AGMO: variants seen among roughly 807,000 people sequenced by gnomAD.
AGMO encodes alkylglycerol monooxygenase, also known as glyceryl-ether monooxygenase.
AGMO carries 75 observed loss-of-function variants against 60.2 expected under a neutral mutation model. The ratio of observed to expected loss-of-function variants is 1.25; its 90% CI spans 1.03 to 1.51. The LOEUF (loss-of-function observed/expected upper bound fraction) is 1.51. Ranked by LOEUF, AGMO falls within the 40% of genes most tolerant of loss-of-function variation. The pLI, the probability that AGMO is intolerant of heterozygous loss-of-function variation, is 0.00. For missense variants in AGMO, 763 were observed against 525.5 expected (o/e 1.45, Z -4.42); for synonymous variants, 261 against 177.1 (o/e 1.47, Z -3.76).
intron 3 of AGMO, among the ~76,000 whole-genome samples, chr7:15,503,851 A>C (rs891663028): frequency 3.3e-5 from 5 of 152,042 alleles, no homozygotes; most frequent in Non-Finnish European, 7.4e-5. Context: ...AATCACTGAG[A>C]AAAAGTGAAT....
rs142610676 is a variant in AGMO at position 15,488,438 on chromosome 7, T to C, written c.409+56334A>G. Reference sequence around the variant, plus strand: ...GCCTCTATAATATTCTTTATGTTAATGGTAAAATTTGAAGACTACTTTAAG... The same window carrying C: ...GCCTCTATAATATTCTTTATGTTAACGGTAAAATTTGAAGACTACTTTAAG... On this transcript the variant is annotated intron_variant, in intron 3 of 12. Transcript: ENST00000342526. Among the ~76,000 whole-genome samples the C allele has an allele frequency of 2.8e-3, 422 of 152,296 alleles. 1 individual carries two copies. Among genetic ancestry groups the C allele is most frequent in the African/African-American group, 9.8e-3 (406 of 41,572 alleles).
At chr7:15,126,515 A>G in the AGMO span, among the ~76,000 whole-genome samples, 1 of 152,104 alleles carries the variant, frequency 6.6e-6, no homozygotes, top group Non-Finnish European at 1.5e-5. Context: ...TCCAAAAGTG[A>G]AAAATAAACT....
chr7:15,425,436 TA>T (rs970152021), intron 4 of AGMO, among the ~76,000 whole-genome samples: 3 of 147,810 alleles, frequency 2.0e-5, no homozygotes, highest in Admixed American at 1.3e-4. Flanking sequence ...TTGTTTATTT[TA>T]TTTTTTTTTT....
At chr7:15,464,671 G>A (rs945873441) in intron 3 of AGMO, among the ~76,000 whole-genome samples, 5 of 152,164 alleles carry the variant, frequency 3.3e-5, no homozygotes, top group African/African-American at 1.2e-4. Flanking sequence ...GAGGTTATTT[G>A]AGACTATAAT....
chr7:15,337,043 T>A (rs542667086), intron 12 of AGMO, among the ~76,000 whole-genome samples: 1 of 152,216 alleles, frequency 6.6e-6, no homozygotes, highest in South Asian at 2.1e-4. Flanking sequence ...TATCATCATA[T>A]GCCATCAAAT....
the AGMO span, among the ~76,000 whole-genome samples, chr7:15,185,656 C>G: frequency 6.8e-6 from 1 of 146,130 alleles, no homozygotes; most frequent in Non-Finnish European, 1.5e-5. Context: ...GATGATTTGT[C>G]TGAAACTTAA....
the AGMO span, among the ~76,000 whole-genome samples, chr7:15,139,023 G>C: frequency 6.6e-6 from 1 of 152,044 alleles, no homozygotes; most frequent in Non-Finnish European, 1.5e-5. Flanking sequence ...GAGCATTCCT[G>C]ACACCTAAAT....
rs546211976 is a variant in AGMO, at chr7:15,343,097, C to T, written c.1263+22417G>A. 3.0e-3 allele frequency among the ~76,000 whole-genome samples: 461 copies of T among 152,026 alleles called. 4 individuals carry two copies. The highest frequency in any genetic ancestry group is 0.011 in the African/African-American group (437 of 41,490). On this transcript the variant is annotated intron_variant, in intron 12 of 12. Coordinates refer to ENST00000342526, the MANE Select transcript of AGMO (RefSeq NM_001004320.2). Reference sequence around the variant, plus strand: ...TTTATACTTTTATATTTTCCTATAGCAATAATTGGAATCTAAAATTTATAT... The same window carrying T: ...TTTATACTTTTATATTTTCCTATAGTAATAATTGGAATCTAAAATTTATAT...
intron 1 of AGMO, among the ~76,000 whole-genome samples, chr7:15,560,478 T>G (rs947639247): frequency 6.6e-6 from 1 of 152,132 alleles, no homozygotes; most frequent in Non-Finnish European, 1.5e-5. Flanking sequence ...GCTCAAATTC[T>G]ATCATCCAAT....
chr7:15,204,764 T>C (rs1343385067), intron 12 of AGMO, among the ~76,000 whole-genome samples: 1 of 152,210 alleles, frequency 6.6e-6, no homozygotes, highest in Non-Finnish European at 1.5e-5. Flanking sequence ...AGTTCATCAA[T>C]TGGCAGGTGG....
At chr7:15,430,616 CAACTGGTTTTTTTTAAAAAAAAAAAAAA>C (rs1157075688) in intron 4 of AGMO, among the ~76,000 whole-genome samples, 10 of 116,810 alleles carry the variant, frequency 8.6e-5, no homozygotes, top group African/African-American at 6.6e-5. Context: ...AAAAAAAAAA[CAACTGGTTTTTTTTAAAAAAAAAAAAAA>C]AACTGGTAAA....
chr7:15,378,982 A>C (rs2128570571), intron 10 of AGMO, among the ~76,000 whole-genome samples: 1 of 152,238 alleles, frequency 6.6e-6, no homozygotes, highest in South Asian at 2.1e-4. Context: ...AATTACATGG[A>C]AACTGAATAA....
chr7:15,526,280 G>A (rs1057439411), intron 3 of AGMO, among the ~76,000 whole-genome samples: 3 of 152,134 alleles, frequency 2.0e-5, no homozygotes, highest in African/African-American at 7.2e-5. Context: ...AAGACTTAAG[G>A]CCCTACAAAG....
At chr7:15,205,488 A>C (rs1252455318) in intron 12 of AGMO, among the ~76,000 whole-genome samples, 2 of 152,146 alleles carry the variant, frequency 1.3e-5, no homozygotes, top group East Asian at 3.9e-4. Flanking sequence ...ATCTTATTTA[A>C]TTTTATATGG....
At chr7:15,458,173 G>C (rs572328667) in intron 3 of AGMO, among the ~76,000 whole-genome samples, 4 of 152,220 alleles carry the variant, frequency 2.6e-5, no homozygotes, top group African/African-American at 9.6e-5. Context: ...GCCCAAAAAA[G>C]ACATCCTGTC....
At chr7:15,242,861 T>C (rs757822356) in intron 12 of AGMO, among the ~76,000 whole-genome samples, 9 of 152,066 alleles carry the variant, frequency 5.9e-5, no homozygotes, top group East Asian at 1.9e-4. Flanking sequence ...TATTGAAATA[T>C]AGAAATAAGA....
intron 3 of AGMO, among the ~76,000 whole-genome samples, chr7:15,469,192 C>A (rs1782372789): frequency 6.6e-6 from 1 of 152,030 alleles, no homozygotes; most frequent in East Asian, 1.9e-4. Flanking sequence ...TAGAATTGCT[C>A]TATCTTCTTG....
At chr7:15,334,920 C>T (rs955183558) in intron 12 of AGMO, among the ~76,000 whole-genome samples, 1 of 152,092 alleles carries the variant, frequency 6.6e-6, no homozygotes, top group Non-Finnish European at 1.5e-5. Flanking sequence ...AAGAGCTGTC[C>T]GAGAGCCTTT....
intron 3 of AGMO, among the ~76,000 whole-genome samples, chr7:15,473,005 C>T (rs1782489490): frequency 6.6e-6 from 1 of 151,714 alleles, no homozygotes; most frequent in Non-Finnish European, 1.5e-5. Context: ...GCTAATTTTC[C>T]TCAGTGTAAA....
Sources: allele counts gnomAD v4.1 joint callset (sites outside exome capture counted in the v4.1 genomes callset), GRCh38; gene constraint gnomAD v4.1.1; transcripts MANE v1.5; gene names NCBI Gene and HGNC (gene_info 2026-07-23, HGNC 2026-07-21).